OPCML: variants seen among roughly 807,000 people sequenced by gnomAD.
OPCML encodes the protein opioid-binding protein/cell adhesion molecule.
Under a neutral mutation model 37.8 loss-of-function variants are expected in OPCML, and 13 were observed. That is an observed-to-expected ratio of 0.34 (90% CI 0.22 to 0.55). OPCML has a LOEUF of 0.55. Among genes scored for constraint, OPCML ranks in the 20% least tolerant of loss-of-function variants. The pLI is 0.91. For missense variants in OPCML, 341 were observed against 435.6 expected, an observed-to-expected ratio of 0.78 and a Z score of 1.93; for synonymous variants, 176 against 168.8, an observed-to-expected ratio of 1.04 and a Z score of -0.33.
chr11:133,142,159 T>C (rs1236632279), intron 1 of OPCML, among the ~76,000 whole-genome samples: 5 of 152,258 alleles, frequency 3.3e-5, no homozygotes, highest in Admixed American at 3.3e-4. Flanking sequence ...CAATCCACCA[T>C]GTCTTCTACC....
At chr11:133,062,542 A>C (rs573667896) in intron 1 of OPCML, among the ~76,000 whole-genome samples, 56 of 152,276 alleles carry the variant, frequency 3.7e-4, no homozygotes, top group Middle Eastern at 3.4e-3. Context: ...AATGTCAAGG[A>C]TTTTGGTAAA....
chr11:133,317,890 T>A (rs2136612704), intron 1 of OPCML, among the ~76,000 whole-genome samples: 1 of 152,360 alleles, frequency 6.6e-6, no homozygotes, highest in Non-Finnish European at 1.5e-5. Flanking sequence ...TCTACAAAGC[T>A]TTTTGCTGTA....
intron 4 of OPCML, among the ~76,000 whole-genome samples, chr11:132,511,505 TTCAAAACATTAACAGTGATTGTAA>T (rs2096268831): frequency 6.6e-6 from 1 of 152,076 alleles, no homozygotes; most frequent in Admixed American, 6.6e-5. Flanking sequence ...ATTGTCTGAT[TTCAAAACATTAACAGTGATTGTAA>T]TCAAAACAGT....
chr11:133,263,660 G>T (rs115378905), intron 1 of OPCML, among the ~76,000 whole-genome samples: 2 of 152,118 alleles, frequency 1.3e-5, no homozygotes, highest in African/African-American at 2.4e-5. Context: ...CATGAGAGGC[G>T]TGTGTTTTGA....
intron 2 of OPCML, among the ~76,000 whole-genome samples, chr11:132,710,688 CAAA>C (rs11340177): frequency 0.44 from 59,154 of 135,242 alleles, 12,117 homozygotes; most frequent in Admixed American, 0.53. Flanking sequence ...CTAAAAAATA[CAAA>C]AAAAAAAAAA....
Position 133,177,458 on chromosome 11 carries a change from A to G in OPCML, c.62-234448T>C, listed in dbSNP as rs1252026876. Reference sequence around the variant, plus strand: ...AACTTTATTAAGCTGAGCTAAATCCACTGAAATGAATGAGAAAACAAATAA... The same window carrying G: ...AACTTTATTAAGCTGAGCTAAATCCGCTGAAATGAATGAGAAAACAAATAA... On this transcript the variant is annotated intron_variant, in intron 1 of 7. Coordinates refer to ENST00000524381, the MANE Select transcript of OPCML (RefSeq NM_001012393.5). The surrounding 1 kb of genome is among the most constrained non-coding windows in gnomAD (Gnocchi z 5.0). Among the ~76,000 whole-genome samples, 3 of 152,214 alleles carry G rather than the reference A, an allele frequency of 2.0e-5. No homozygotes were observed. Among genetic ancestry groups the G allele is most frequent in the Non-Finnish European group, 4.4e-5 (3 of 68,040 alleles).
chr11:132,606,784 C>A (rs1192184656), intron 3 of OPCML, among the ~76,000 whole-genome samples: 1 of 152,150 alleles, frequency 6.6e-6, no homozygotes, highest in Non-Finnish European at 1.5e-5. Context: ...AAGAAAAAAT[C>A]TGCAAGTGAA....
At chr11:133,141,888 C>T (rs1390421802) in intron 1 of OPCML, among the ~76,000 whole-genome samples, 2 of 152,200 alleles carry the variant, frequency 1.3e-5, no homozygotes, top group Non-Finnish European at 2.9e-5. Context: ...CCTTCTCACG[C>T]TCTGTCTCAT....
At chr11:133,352,764 T>C (rs1204259541) in intron 1 of OPCML, among the ~76,000 whole-genome samples, 2 of 152,200 alleles carry the variant, frequency 1.3e-5, no homozygotes, top group African/African-American at 2.4e-5. Context: ...TAAAAATCGC[T>C]GTTTTCATTT....
chr11:132,629,240 G>A (rs1011276597), intron 3 of OPCML, among the ~76,000 whole-genome samples: 7 of 152,158 alleles, frequency 4.6e-5, no homozygotes, highest in South Asian at 2.1e-4. Context: ...CTTCTTCCTC[G>A]TGACAGTCAT....
intron 1 of OPCML, among the ~76,000 whole-genome samples, chr11:133,253,484 A>T (rs1941209802): frequency 6.6e-6 from 1 of 152,030 alleles, no homozygotes; most frequent in South Asian, 2.1e-4. Context: ...TAATTTTTGT[A>T]TTTTTAGTAG....
chr11:133,433,676 C>G (rs966343862), intron 1 of OPCML, among the ~76,000 whole-genome samples: 12 of 152,178 alleles, frequency 7.9e-5, no homozygotes, highest in African/African-American at 2.9e-4. Flanking sequence ...TCCCAAGAAG[C>G]CTCTCTTGCC....
At chr11:133,095,272 T>C (rs1036285593) in intron 1 of OPCML, among the ~76,000 whole-genome samples, 7 of 136,710 alleles carry the variant, frequency 5.1e-5, no homozygotes, top group Non-Finnish European at 7.7e-5. Flanking sequence ...GATTTTAATG[T>C]AAATGTTTTT....
intron 1 of OPCML, among the ~76,000 whole-genome samples, chr11:133,057,793 G>A (rs1327401421): frequency 6.6e-6 from 1 of 152,038 alleles, no homozygotes; most frequent in African/African-American, 2.4e-5. Flanking sequence ...ACCCTCTCAA[G>A]TCCTTAGTAC....
chr11:132,561,448 C>T (rs1327150234), intron 3 of OPCML, among the ~76,000 whole-genome samples: 2 of 152,218 alleles, frequency 1.3e-5, no homozygotes, highest in Non-Finnish European at 2.9e-5. Context: ...TCTGCTCCCA[C>T]ATGTGCCCCT....
At chr11:132,790,231 G>C (rs957690409) in intron 2 of OPCML, among the ~76,000 whole-genome samples, 1 of 152,154 alleles carries the variant, frequency 6.6e-6, no homozygotes, top group Admixed American at 6.5e-5. Flanking sequence ...ATGTGTTATA[G>C]AGAGAGGCTG....
In OPCML at chr11:132,507,840, A is replaced by G. The variant is rs2096260723; in HGVS notation, c.505+21221T>C. Among the ~76,000 whole-genome samples, 3 of 144,696 alleles carry G rather than the reference A, an allele frequency of 2.1e-5. No individual in the cohort carries two copies. The Admixed American group carries it at 2.1e-4, about 10-fold the overall frequency. 94.9% of individuals were successfully genotyped at this position (144,696 alleles called of 152,430 possible). On this transcript the variant is annotated intron_variant, in intron 4 of 7. Transcript: ENST00000524381. ...TAGTTATAACTACTAAAGCAAAAAC[A>G]GTAAATATGGAGTAAAAAAGAATGT...
At chr11:132,453,796 T>C (rs2096074583) in intron 4 of OPCML, among the ~76,000 whole-genome samples, 1 of 152,148 alleles carries the variant, frequency 6.6e-6, no homozygotes, top group African/African-American at 2.4e-5. Context: ...AGAACTGGGA[T>C]GGCACAGAGG....
At chr11:133,496,055 T>A (rs1947779932) in intron 1 of OPCML, among the ~76,000 whole-genome samples, 1 of 152,252 alleles carries the variant, frequency 6.6e-6, no homozygotes, top group Non-Finnish European at 1.5e-5. Flanking sequence ...AAGTCCTTAA[T>A]CCACCTTGAG....
Sources: gnomAD v4.1 joint callset for allele counts (sites outside exome capture counted in the v4.1 genomes callset) on GRCh38, gnomAD v4.1.1 for gene constraint, Gnocchi (gnomAD v3.1) non-coding constraint, MANE v1.5 for transcripts, NCBI Gene and HGNC (gene_info 2026-07-23, HGNC 2026-07-21) for gene names.